ULK4: variants seen among roughly 807,000 people sequenced by gnomAD.
ULK4 encodes unc-51 like kinase 4.
A neutral mutation model predicts 160.6 loss-of-function variants in ULK4; 133 were observed. The observed-to-expected ratio is 0.83, with a 90% confidence interval of 0.72 to 0.96. The LOEUF is 0.96. Among genes scored for constraint, ULK4 ranks in the 40% least tolerant of loss-of-function variants. The pLI is 0.00. For missense variants in ULK4, 1,580 were observed against 1,499.5 expected, an observed-to-expected ratio of 1.05 and a Z score of -0.89; for synonymous variants, 534 against 539.8, an observed-to-expected ratio of 0.99 and a Z score of 0.15.
At chr3:41,472,607 C>G (rs1248585032) in intron 32 of ULK4, among the ~76,000 whole-genome samples, 1 of 149,878 alleles carries the variant, frequency 6.7e-6, no homozygotes, top group Non-Finnish European at 1.5e-5. Flanking sequence ...AACAGATCAA[C>G]AAGAAGATTG....
intron 34 of ULK4, among the ~76,000 whole-genome samples, chr3:41,441,300 C>T (rs1343576134): frequency 6.6e-6 from 1 of 152,028 alleles, no homozygotes; most frequent in Non-Finnish European, 1.5e-5. Flanking sequence ...AATCTCCCTC[C>T]CCCTAAGTAC....
rs2037288194 is a variant in ULK4 at position 41,716,986 on chromosome 3, G to A, written c.2455+742C>T. Among the ~76,000 whole-genome samples the A allele has an allele frequency of 2.6e-5, 4 of 151,948 alleles. No homozygotes were observed. In the South Asian group the frequency reaches 8.3e-4, roughly 32 times the overall value. ...ATTTTTATTCTCATTTATTGTGGGA[G>A]TTAAAAAATGATTATATGGCAGTAG... On this transcript the variant is annotated intron_variant, in intron 23 of 36. Coordinates refer to ENST00000301831, the MANE Select transcript of ULK4 (RefSeq NM_017886.4).
chr3:41,717,619 T>C, intron 23 of ULK4, 109 bp downstream of exon 23: 1 of 1,362,380 alleles, frequency 7.3e-7, no homozygotes, highest in African/African-American at 1.5e-5. Flanking sequence ...AGTGTCTGCA[T>C]TTGCCTTCAA....
At chr3:41,830,840 G>T (rs1169797644) in intron 18 of ULK4, among the ~76,000 whole-genome samples, 1 of 151,708 alleles carries the variant, frequency 6.6e-6, no homozygotes, top group Non-Finnish European at 1.5e-5. Flanking sequence ...TTCTCGGGGG[G>T]TATACAAAAC....
At chr3:41,636,257 G>A (rs914754557) in intron 30 of ULK4, among the ~76,000 whole-genome samples, 1 of 152,196 alleles carries the variant, frequency 6.6e-6, no homozygotes, top group Non-Finnish European at 1.5e-5. Flanking sequence ...ATACTAGGCT[G>A]GGTATGGTGG....
At chr3:41,783,750 T>C (rs1330122934) in intron 21 of ULK4, among the ~76,000 whole-genome samples, 3 of 152,200 alleles carry the variant, frequency 2.0e-5, no homozygotes, top group South Asian at 2.1e-4. Context: ...TAAATTAGCA[T>C]TGACTACTTT....
At chr3:41,849,756 A>G (rs2042163300) in intron 17 of ULK4, among the ~76,000 whole-genome samples, 1 of 152,148 alleles carries the variant, frequency 6.6e-6, no homozygotes, top group Non-Finnish European at 1.5e-5. Context: ...GGGGTATATG[A>G]GATGTCTTTG....
At chr3:41,544,850 T>A (rs1005752592) in intron 32 of ULK4, among the ~76,000 whole-genome samples, 1 of 152,188 alleles carries the variant, frequency 6.6e-6, no homozygotes, top group Non-Finnish European at 1.5e-5. Flanking sequence ...CCATTTCAGA[T>A]GCTTCAAGTC....
intron 2 of ULK4, among the ~76,000 whole-genome samples, chr3:41,953,305 T>TACA (rs1491089866): frequency 9.6e-4 from 88 of 91,782 alleles, no homozygotes; most frequent in Non-Finnish European, 1.5e-3. Context: ...TATATATATA[T>TACA]TTTTTTTTTT....
intron 35 of ULK4, among the ~76,000 whole-genome samples, chr3:41,381,013 G>T (rs1044793899): frequency 2.0e-5 from 3 of 151,996 alleles, no homozygotes; most frequent in Non-Finnish European, 4.4e-5. Context: ...CTTCCTCCAT[G>T]CATCCCCTGC....
At chr3:41,299,564 CTT>C (rs770737217) in intron 35 of ULK4, among the ~76,000 whole-genome samples, 1 of 152,164 alleles carries the variant, frequency 6.6e-6, no homozygotes, top group Non-Finnish European at 1.5e-5. Flanking sequence ...GTACGTGGCT[CTT>C]GTTTTAAGTC....
At chr3:41,653,952 T>C (rs1455465799) in intron 30 of ULK4, among the ~76,000 whole-genome samples, 1 of 152,222 alleles carries the variant, frequency 6.6e-6, no homozygotes, top group African/African-American at 2.4e-5. Context: ...TATAAATGTA[T>C]GCAATAAACC....
At chr3:41,598,412 G>A (rs1261224999) in intron 31 of ULK4, among the ~76,000 whole-genome samples, 1 of 152,074 alleles carries the variant, frequency 6.6e-6, no homozygotes, top group Non-Finnish European at 1.5e-5. Flanking sequence ...CAGACAGATA[G>A]AGAAACATAT....
At chr3:41,922,695 G>C (rs1463182749) in intron 5 of ULK4, among the ~76,000 whole-genome samples, 3 of 151,990 alleles carry the variant, frequency 2.0e-5, no homozygotes, top group Non-Finnish European at 4.4e-5. Flanking sequence ...CAGACACCAA[G>C]ACAGAATTAT....
intron 22 of ULK4, among the ~76,000 whole-genome samples, chr3:41,736,581 T>G (rs1462184361): frequency 6.6e-6 from 1 of 151,856 alleles, no homozygotes; most frequent in Non-Finnish European, 1.5e-5. Context: ...CATTGTAGAT[T>G]CTGGATATTA....
chr3:41,603,777 A>T (rs1559426508), intron 31 of ULK4, among the ~76,000 whole-genome samples: 2 of 152,262 alleles, frequency 1.3e-5, no homozygotes, highest in African/African-American at 4.8e-5. Flanking sequence ...CTTCTTGTGA[A>T]AGTATAAGTA....
At chr3:41,620,723 T>C (rs1320357950) in intron 30 of ULK4, among the ~76,000 whole-genome samples, 2 of 152,150 alleles carry the variant, frequency 1.3e-5, no homozygotes, top group Non-Finnish European at 2.9e-5. Context: ...GGATGCCCTC[T>C]CTCACCACTC....
At chr3:41,717,217 C>T (rs989933551) in intron 23 of ULK4, among the ~76,000 whole-genome samples, 2 of 151,952 alleles carry the variant, frequency 1.3e-5, no homozygotes, top group Non-Finnish European at 2.9e-5. Flanking sequence ...GATCACTATG[C>T]ATTTTATACA....
chr3:41,383,743 G>C (rs1055251365), intron 35 of ULK4, among the ~76,000 whole-genome samples: 3 of 152,190 alleles, frequency 2.0e-5, no homozygotes. Context: ...AGAGGCTGCA[G>C]AATGCAAAGC....
Sources: allele counts gnomAD v4.1 joint callset (sites outside exome capture counted in the v4.1 genomes callset), GRCh38; gene constraint gnomAD v4.1.1; transcripts MANE v1.5; gene names NCBI Gene and HGNC (gene_info 2026-07-23, HGNC 2026-07-21).